Variants in GDI2 observed in about 807,000 individuals in gnomAD.
GDI2 encodes rab GDP dissociation inhibitor beta.
In GDI2, 22 loss-of-function variants were observed where a neutral mutation model predicts 54.2. The observed-to-expected ratio is 0.41, with a 90% CI of 0.29 to 0.58. GDI2 has a LOEUF of 0.58. Ranked by LOEUF, GDI2 falls within the 20% of genes least tolerant of loss-of-function variation. The pLI, the probability that GDI2 is intolerant of heterozygous loss-of-function variation, is 0.35. For missense variants in GDI2, 422 were observed against 546.0 expected, an observed-to-expected ratio of 0.77 and a Z score of 2.26; for synonymous variants, 177 against 182.1, an observed-to-expected ratio of 0.97 and a Z score of 0.23.
At position 5,766,769 on chromosome 10, in the gene GDI2, G is replaced by A. The variant is rs570452563; in HGVS notation, c.992-131C>T. The A allele has an allele frequency of 4.6e-6, 3 of 650,300 alleles. No individual in the cohort carries two copies. In the African/African-American group the frequency reaches 5.4e-5, roughly 12 times the overall value. 40.3% of individuals were successfully genotyped at this position (650,300 alleles called of 1,614,324 possible). A position where few individuals can be genotyped will look rare whatever the true frequency, so the allele number is the denominator to read the frequency against. On this transcript the variant is annotated intron_variant, in intron 8 of 10. Transcript: ENST00000380191. This position sits in a 1 kb window ranked among gnomAD's most constrained non-coding sequence, Gnocchi z 5.8. ...AATAGGCAAGATCTTCTACACTTAA[G>A]TTCTAAATGGTGACAGAGTTGGATG...
At chr10:5,784,282 G>C (rs1840824860) in intron 6 of GDI2, among the ~76,000 whole-genome samples, 1 of 152,122 alleles carries the variant, frequency 6.6e-6, no homozygotes, top group Admixed American at 6.6e-5. Context: ...CAGAAGTTGT[G>C]ATTATTTATT....
Position 5,776,712 on chromosome 10 carries a change from C to T in GDI2, c.720-2771G>A. On this transcript the variant is annotated intron_variant, in intron 6 of 10. Transcript: ENST00000380191. This position sits in a 1 kb window ranked among gnomAD's most constrained non-coding sequence, Gnocchi z 5.3. Reference sequence around the variant, plus strand: ...AGCTTGCCGCCACATTCAGAAACTGCTACAGCCTCTTTAACCTGGCAGAAG... The same window carrying T: ...AGCTTGCCGCCACATTCAGAAACTGTTACAGCCTCTTTAACCTGGCAGAAG... 7 of 1,469,030 alleles carry T rather than the reference C, an allele frequency of 4.8e-6. No individual in the cohort carries two copies. In the South Asian group the frequency reaches 5.8e-5, roughly 12 times the overall value. The allele number at this position is 1,469,030 out of a possible 1,614,324, so 91.0% of individuals were successfully genotyped here.
rs1052701600 is a variant in GDI2, at chr10:5,805,532, C to T, written c.46-4827G>A. 3.9e-4 allele frequency among the ~76,000 whole-genome samples: 59 copies of T among 152,174 alleles called. 1 individual carries two copies. The highest frequency in any genetic ancestry group is 1.4e-3 in the African/African-American group (58 of 41,504). On this transcript the variant is annotated intron_variant, in intron 1 of 10. Transcript: ENST00000380191. Reference sequence around the variant, plus strand: ...AGAAGCTGGAACTACAGACATGTGCCACCACGCCTGCCAAATTTTTTAATT... The same window carrying T: ...AGAAGCTGGAACTACAGACATGTGCTACCACGCCTGCCAAATTTTTTAATT...
At chr10:5,781,625 CAAAAAA>C (rs34913780) in intron 6 of GDI2, among the ~76,000 whole-genome samples, 3 of 97,154 alleles carry the variant, frequency 3.1e-5, no homozygotes, top group South Asian at 6.8e-4. Flanking sequence ...ACTCTGTCTC[CAAAAAA>C]AAAAAAAAAA....
At chr10:5,778,490 T>C (rs1840676079) in intron 6 of GDI2, among the ~76,000 whole-genome samples, 1 of 152,248 alleles carries the variant, frequency 6.6e-6, no homozygotes, top group Non-Finnish European at 1.5e-5. Context: ...ACTATACGTG[T>C]GTGCCACACT....
intron 5 of GDI2, among the ~76,000 whole-genome samples, 199 bp from the exon 6 acceptor site, chr10:5,785,472 T>G (rs1840853221): frequency 6.6e-6 from 1 of 152,148 alleles, no homozygotes; most frequent in Non-Finnish European, 1.5e-5. Context: ...CCTCCCAGGC[T>G]CAAGTGATTC....
At position 5,813,361 on chromosome 10, in the gene GDI2, G is replaced by A. The variant is rs1401387756; in HGVS notation, c.-103C>T. The A allele has an allele frequency of 7.5e-6, 6 of 802,006 alleles. No individual in the cohort carries two copies. In the East Asian group the frequency reaches 9.1e-5, roughly 12 times the overall value. The allele number at this position is 802,006 out of a possible 1,614,324, so 49.7% of individuals were successfully genotyped here. On this transcript the variant is annotated 5_prime_UTR_variant, in exon 1 of 11. Coordinates refer to ENST00000380191, the MANE Select transcript of GDI2 (RefSeq NM_001494.4). ...GCGCTCTTGGGCGCGAAGGAAAGGG[G>A]AAGAGAAAGAGAGGAAAATGGAGCT... is the stretch of plus-strand genomic sequence containing the variant.
Position 5,794,970 on chromosome 10 carries a change from A to C in GDI2, c.303T>G (p.Asp101Glu). ...CAAAGCTCCCTTCAGTCACTTTAAA[A>C]TCCAGATAGCGAGTTACCTCTGTAT... ...LLYTEVTRYL[D>E]FKVTEGSFVY... Residue 101 changes from aspartate (D) to glutamate (E), a missense_variant, in exon 4 of 11, where the codon GAT becomes GAG. Asp to Glu is a conservative substitution (Grantham distance 45). Coordinates refer to ENST00000380191, the MANE Select transcript of GDI2 (RefSeq NM_001494.4). The C allele has an allele frequency of 6.3e-7, 1 of 1,598,022 alleles. No homozygotes were observed. Among genetic ancestry groups the C allele is most frequent in the South Asian group, 1.1e-5 (1 of 90,708 alleles).
chr10:5,767,091 A>G (rs1436001783), intron 8 of GDI2, among the ~76,000 whole-genome samples: 1 of 152,158 alleles, frequency 6.6e-6, no homozygotes, highest in Non-Finnish European at 1.5e-5. Context: ...AGTTGGCATA[A>G]CGATAGAATT....
intron 6 of GDI2, among the ~76,000 whole-genome samples, chr10:5,777,892 C>T (rs1463601477): frequency 6.6e-6 from 1 of 152,172 alleles, no homozygotes; most frequent in East Asian, 1.9e-4. Context: ...ACCCAAATAT[C>T]CATCAATGGT....
intron 7 of GDI2, among the ~76,000 whole-genome samples, chr10:5,772,845 G>C (rs1194517695): frequency 2.0e-5 from 3 of 152,068 alleles, no homozygotes; most frequent in African/African-American, 7.2e-5. Context: ...ACATCCTCAG[G>C]TGTATAACGA....
rs969286113 is a variant in GDI2, at chr10:5,776,777, C to A, written c.720-2836G>T. The A allele has an allele frequency of 2.0e-6, 3 of 1,537,872 alleles. No homozygotes were observed. Among genetic ancestry groups the A allele is most frequent in the Non-Finnish European group, 2.7e-6 (3 of 1,115,888 alleles). The stretch of plus-strand genomic sequence containing the variant: ...CAGGAAAGCCAAGGACATTCCAATC[C>A]CCAATCTTCCTCCCTTGGATTTTCC... On this transcript the variant is annotated intron_variant, in intron 6 of 10. Transcript: ENST00000380191. This position sits in a 1 kb window ranked among gnomAD's most constrained non-coding sequence, Gnocchi z 5.3.
chr10:5,787,474 T>C (rs972274964), intron 4 of GDI2, among the ~76,000 whole-genome samples: 1 of 151,086 alleles, frequency 6.6e-6, no homozygotes, highest in African/African-American at 2.4e-5. Context: ...ACCATTGTAC[T>C]CCAGCCTGGG....
At chr10:5,775,402 G>A (rs1244653685) in intron 6 of GDI2, among the ~76,000 whole-genome samples, 4 of 152,220 alleles carry the variant, frequency 2.6e-5, no homozygotes, top group African/African-American at 4.8e-5. Flanking sequence ...AGAGCTTTAT[G>A]TAGTTTATAT....
chr10:5,792,681 G>A (rs1270419784), intron 4 of GDI2, among the ~76,000 whole-genome samples: 5 of 131,916 alleles, frequency 3.8e-5, no homozygotes, highest in Non-Finnish European at 6.5e-5. Context: ...AAGCATATGC[G>A]CTTATTCAAA....
Position 5,813,392 on chromosome 10 carries a change from C to G in GDI2, c.-134G>C. 1 of 534,268 alleles carries G rather than the reference C, an allele frequency of 1.9e-6. No individual in the cohort carries two copies. The highest frequency in any genetic ancestry group is 2.1e-5 in the South Asian group (1 of 46,640). The allele number at this position is 534,268 out of a possible 1,614,324, so 33.1% of individuals were successfully genotyped here. On this transcript the variant is annotated 5_prime_UTR_variant, in exon 1 of 11. Transcript: ENST00000380191. ...AAAGAGAGGAAAATGGAGCTGGCGA[C>G]AAGGCGAGACCGACCGCCACCTCAG...
intron 4 of GDI2, among the ~76,000 whole-genome samples, chr10:5,794,277 T>C (rs1841098638): frequency 7.4e-6 from 1 of 134,998 alleles, no homozygotes; most frequent in Non-Finnish European, 1.5e-5. Flanking sequence ...TGGGAATTAC[T>C]AACAAGACCA....
intron 2 of GDI2, among the ~76,000 whole-genome samples, chr10:5,798,675 G>C (rs76178598): frequency 0.014 from 2,079 of 151,474 alleles, 48 homozygotes; most frequent in African/African-American, 0.048. Flanking sequence ...TTGTATTGAA[G>C]ATCAGCTAAG....
rs758016791 is a variant in GDI2, at chr10:5,800,664, T to A, written c.87A>T (p.Lys29Asn). The change falls in exon 2 of 11, where the codon AAA becomes AAT. Residue 29 changes from lysine (K) to asparagine (N), a missense_variant. Physicochemically the swap from Lys to Asn is moderately conservative, Grantham distance 94 (BLOSUM62 0). Transcript: ENST00000380191. ...LSGIMSVNGK[K>N]VLHMDRNPYY... ...AAGGGTTTCGATCCATATGAAGAAC[T>A]TTCTTGCCATTCACTGACATTATAC... The A allele has an allele frequency of 1.9e-6, 3 of 1,597,760 alleles. No homozygotes were observed. Among genetic ancestry groups the A allele is most frequent in the Admixed American group, 3.3e-5 (2 of 59,992 alleles).
Sources: gnomAD v4.1 joint callset for allele counts (sites outside exome capture counted in the v4.1 genomes callset) on GRCh38, gnomAD v4.1.1 for gene constraint, Gnocchi (gnomAD v3.1) non-coding constraint, MANE v1.5 for transcripts, NCBI Gene and HGNC (gene_info 2026-07-23, HGNC 2026-07-21) for gene names.